The following TRAM2 variants were observed in gnomAD, a reference collection of about 807,000 sequenced individuals.
TRAM2 encodes translocating chain-associated membrane protein 2.
In TRAM2, 12 loss-of-function variants were observed where a neutral mutation model predicts 51.0. The ratio of observed to expected loss-of-function variants is 0.24; its 90% CI spans 0.15 to 0.38. The LOEUF (loss-of-function observed/expected upper bound fraction) is 0.38, where lower values mean the gene tolerates loss of function less well. Ranked by LOEUF, TRAM2 falls within the 10% of genes least tolerant of loss-of-function variation. TRAM2 has a pLI of 1.00. For missense variants in TRAM2, 361 were observed against 462.0 expected (o/e 0.78, Z 2.00); for synonymous variants, 175 against 179.4 (o/e 0.98, Z 0.20).
Position 52,505,608 on chromosome 6 carries a change from A to AC in TRAM2, c.865_866insG (p.Leu289CysfsTer36). On this transcript the variant is annotated frameshift_variant, in exon 9 of 11. Transcript: ENST00000182527. LOFTEE classifies it high-confidence loss of function. ...CTTCTGCTCGACTCACCTGCAAAAC[A>AC]AAGTGTTGAAGTTCCCTTTCTCGGG... is the stretch of plus-strand genomic sequence containing the variant. 6.2e-7 allele frequency: 1 copy of AC among 1,610,432 alleles called. No individual in the cohort carries two copies. Among genetic ancestry groups the AC allele is most frequent in the Non-Finnish European group, 8.5e-7 (1 of 1,177,504 alleles).
intron 1 of TRAM2, among the ~76,000 whole-genome samples, chr6:52,556,415 G>A (rs530949117): frequency 5.9e-5 from 9 of 152,128 alleles, no homozygotes; most frequent in African/African-American, 2.2e-4. Flanking sequence ...CAAGTAGCTG[G>A]AAGTACAGGC....
Position 52,535,947 on chromosome 6 carries a change from C to T in TRAM2, c.121-101G>A. Reference sequence around the variant, plus strand: ...CCCTTTTACATCTTAGACCCTCAAACCTCTTGACTGAACGGTTCTGCCTAA... The same window carrying T: ...CCCTTTTACATCTTAGACCCTCAAATCTCTTGACTGAACGGTTCTGCCTAA... On this transcript the variant is annotated intron_variant, in intron 1 of 10. Transcript: ENST00000182527. 4 of 940,474 alleles carry T rather than the reference C, an allele frequency of 4.3e-6. 1 individual carries two copies. In the South Asian group the frequency reaches 6.1e-5, roughly 14 times the overall value. The allele number at this position is 940,474 out of a possible 1,614,324, so 58.3% of individuals were successfully genotyped here. A position where few individuals can be genotyped will look rare whatever the true frequency, so the allele number is the denominator to read the frequency against.
At chr6:52,532,114 T>G (rs1393831497) in intron 2 of TRAM2, among the ~76,000 whole-genome samples, 2 of 152,210 alleles carry the variant, frequency 1.3e-5, no homozygotes, top group African/African-American at 2.4e-5. Flanking sequence ...CTCATGCTGT[T>G]GTGAGAAGAA....
chr6:52,498,840 C>CA lies in TRAM2; in HGVS notation c.*4356_*4357insT, dbSNP rs1189766716. 2 of 152,590 alleles carry CA rather than the reference C, an allele frequency of 1.3e-5. No individual in the cohort carries two copies. The highest frequency in any genetic ancestry group is 2.9e-5 in the Non-Finnish European group (2 of 68,074). 9.5% of individuals were successfully genotyped at this position (152,590 alleles called of 1,614,324 possible). ...TCGAGCCCTGGCAACTGGGGGCTGG[C>CA]CACGGAGTACAAGTTGAAAACCACA... On this transcript the variant is annotated 3_prime_UTR_variant, in exon 11 of 11. Coordinates refer to ENST00000182527, the MANE Select transcript of TRAM2 (RefSeq NM_012288.4).
chr6:52,529,791 T>C (rs1462359972), intron 2 of TRAM2: 1 of 152,266 alleles, frequency 6.6e-6, no homozygotes, highest in African/African-American at 2.4e-5. Flanking sequence ...TGTGGCTAAA[T>C]GCTTAGCCCA....
rs769894971 is a variant in TRAM2, at chr6:52,505,250, G to A, written c.875+349C>T. On this transcript the variant is annotated intron_variant, in intron 9 of 10. Coordinates refer to ENST00000182527, the MANE Select transcript of TRAM2 (RefSeq NM_012288.4). ...TTCCTCACTGCCACAGGAGGCCACT[G>A]GCCAAGCCATTAAGCACATGGTTTT... Among the ~76,000 whole-genome samples, 21 of 152,326 alleles carry A rather than the reference G, an allele frequency of 1.4e-4. No individual in the cohort carries two copies. In the East Asian group the frequency reaches 1.5e-3, roughly 11 times the overall value.
At chr6:52,553,329 C>T (rs1268246747) in intron 1 of TRAM2, among the ~76,000 whole-genome samples, 2 of 152,172 alleles carry the variant, frequency 1.3e-5, no homozygotes, top group African/African-American at 4.8e-5. Context: ...CTCATTAATA[C>T]TATATGAAGG....
chr6:52,527,868 A>G (rs1766812959), intron 2 of TRAM2, among the ~76,000 whole-genome samples: 1 of 152,222 alleles, frequency 6.6e-6, no homozygotes, highest in Non-Finnish European at 1.5e-5. Flanking sequence ...ACACTTAATA[A>G]GTTTTAGTTA....
At chr6:52,516,143 CT>C in intron 3 of TRAM2, 21 bp from the exon 4 acceptor site, 1 of 1,598,642 alleles carries the variant, frequency 6.3e-7, no homozygotes, top group Admixed American at 1.7e-5. Context: ...AAGAAAACCC[CT>C]CATATTAATA....
intron 1 of TRAM2, among the ~76,000 whole-genome samples, chr6:52,542,498 C>A (rs563281882): frequency 6.6e-5 from 10 of 152,116 alleles, no homozygotes; most frequent in Non-Finnish European, 1.0e-4. Context: ...GAGGGCTGAG[C>A]GCCTGAATCA....
chr6:52,537,092 T>G (rs1766987465), intron 1 of TRAM2, among the ~76,000 whole-genome samples: 1 of 152,078 alleles, frequency 6.6e-6, no homozygotes, highest in South Asian at 2.1e-4. Flanking sequence ...ATCTCCCCAC[T>G]CCCCTGGTCA....
intron 4 of TRAM2, among the ~76,000 whole-genome samples, chr6:52,512,704 CCT>C: frequency 6.6e-6 from 1 of 152,364 alleles, no homozygotes; most frequent in South Asian, 2.1e-4. Context: ...AGAGATCCCT[CCT>C]GTTTCCCCAG....
chr6:52,503,116 G>C lies in TRAM2; in HGVS notation c.*81C>G. The C allele has an allele frequency of 1.7e-6, 2 of 1,175,674 alleles. No individual in the cohort carries two copies. The highest frequency in any genetic ancestry group is 2.6e-6 in the Non-Finnish European group (2 of 782,312). The allele number at this position is 1,175,674 out of a possible 1,614,324, so 72.8% of individuals were successfully genotyped here. ...GAGACGGAGCATCACAGGCAGGAAG[G>C]AGGAGGCAGGGAGGGGGCCTGGGCT... is the stretch of plus-strand genomic sequence containing the variant. On this transcript the variant is annotated 3_prime_UTR_variant, in exon 11 of 11. Coordinates refer to ENST00000182527, the MANE Select transcript of TRAM2 (RefSeq NM_012288.4).
At chr6:52,561,269 G>A (rs1425658548) in intron 1 of TRAM2, among the ~76,000 whole-genome samples, 5 of 152,098 alleles carry the variant, frequency 3.3e-5, no homozygotes, top group Non-Finnish European at 7.4e-5. Context: ...AAATGAATGC[G>A]AACAGTTTTT....
chr6:52,559,883 C>T (rs1372498352), intron 1 of TRAM2, among the ~76,000 whole-genome samples: 1 of 151,972 alleles, frequency 6.6e-6, no homozygotes, highest in African/African-American at 2.4e-5. Flanking sequence ...TCCCCCAAAA[C>T]AGAATTGTGG....
intron 2 of TRAM2, chr6:52,524,875 CAATGGGATAA>C: frequency 6.6e-6 from 1 of 152,234 alleles, no homozygotes; most frequent in South Asian, 2.1e-4. Context: ...CCCTTCTGAA[CAATGGGATAA>C]AACCATCTAC....
intron 1 of TRAM2, among the ~76,000 whole-genome samples, chr6:52,543,553 A>C (rs1767142986): frequency 6.6e-6 from 1 of 152,200 alleles, no homozygotes; most frequent in Admixed American, 6.5e-5. Context: ...AAAAGAAAGG[A>C]TTATGGAGTG....
chr6:52,503,516 C>A (rs775616983), intron 10 of TRAM2, among the ~76,000 whole-genome samples: 1 of 151,706 alleles, frequency 6.6e-6, no homozygotes, highest in Admixed American at 6.6e-5. Flanking sequence ...TCTCTGACTG[C>A]ACTTTAGCAG....
intron 1 of TRAM2, among the ~76,000 whole-genome samples, chr6:52,551,995 C>G (rs552184341): frequency 6.6e-6 from 1 of 152,262 alleles, no homozygotes; most frequent in Non-Finnish European, 1.5e-5. Flanking sequence ...GCTGGCCGCT[C>G]GAGAAGGCTC....
Sources: gnomAD v4.1 joint callset for allele counts (sites outside exome capture counted in the v4.1 genomes callset) on GRCh38, gnomAD v4.1.1 for gene constraint, MANE v1.5 for transcripts, NCBI Gene and HGNC (gene_info 2026-07-23, HGNC 2026-07-21) for gene names.